Variants in IKZF2 observed in about 807,000 individuals in gnomAD.
IKZF2 encodes IKAROS family zinc finger 2.
In IKZF2, 15 loss-of-function variants were observed where a neutral mutation model predicts 49.2. The ratio of observed to expected loss-of-function variants is 0.30; its 90% CI spans 0.20 to 0.47. The LOEUF (loss-of-function observed/expected upper bound fraction) is 0.47. Among genes scored for constraint, IKZF2 ranks in the 20% least tolerant of loss-of-function variants. IKZF2 has a pLI of 1.00. For missense variants in IKZF2, 567 were observed against 664.6 expected (o/e 0.85, Z 1.61); for synonymous variants, 227 against 221.4 (o/e 1.03, Z -0.23).
intron 4 of IKZF2, among the ~76,000 whole-genome samples, chr2:213,143,060 T>A (rs572461042): frequency 6.6e-6 from 1 of 152,056 alleles, no homozygotes; most frequent in East Asian, 1.9e-4. Context: ...AAACAACATA[T>A]TCTACCTCAT....
intron 4 of IKZF2, among the ~76,000 whole-genome samples, chr2:213,133,649 G>A (rs1037492178): frequency 6.6e-6 from 1 of 151,358 alleles, no homozygotes; most frequent in African/African-American, 2.4e-5. Flanking sequence ...CAGTGGAGCC[G>A]AGATCGCACC....
chr2:213,044,117 G>T (rs1470886411), intron 6 of IKZF2, among the ~76,000 whole-genome samples: 1 of 152,032 alleles, frequency 6.6e-6, no homozygotes, highest in Admixed American at 6.6e-5. Context: ...GTGAGGTCAG[G>T]GTGTTTATTC....
intron 4 of IKZF2, among the ~76,000 whole-genome samples, chr2:213,112,468 CT>C (rs1394656199): frequency 2.1e-5 from 3 of 145,476 alleles, no homozygotes; most frequent in Non-Finnish European, 3.0e-5. Context: ...TTCCTTCTTT[CT>C]TTTTTTTTTA....
intron 4 of IKZF2, among the ~76,000 whole-genome samples, chr2:213,131,797 T>A (rs2060481161): frequency 6.6e-6 from 1 of 152,170 alleles, no homozygotes; most frequent in African/African-American, 2.4e-5. Context: ...ACAGATAGCA[T>A]AACTGAAGTA....
chr2:213,047,392 G>GATATT (rs1700251755), intron 6 of IKZF2, among the ~76,000 whole-genome samples: 1 of 152,050 alleles, frequency 6.6e-6, no homozygotes, highest in Non-Finnish European at 1.5e-5. Flanking sequence ...TGTTCTACAG[G>GATATT]ATATTATATA....
chr2:213,055,334 C>G (rs891756651), intron 5 of IKZF2, among the ~76,000 whole-genome samples: 3 of 151,952 alleles, frequency 2.0e-5, no homozygotes, highest in Admixed American at 6.6e-5. Flanking sequence ...TTTCCCTTTA[C>G]TTTTTATCAA....
At chr2:213,119,320 C>T (rs186833757) in intron 4 of IKZF2, among the ~76,000 whole-genome samples, 1 of 152,252 alleles carries the variant, frequency 6.6e-6, no homozygotes, top group Admixed American at 6.5e-5. Flanking sequence ...TGGTGGCATG[C>T]CCCCTTCCTG....
intron 8 of IKZF2, among the ~76,000 whole-genome samples, chr2:213,008,844 A>T (rs1695633623): frequency 6.6e-6 from 1 of 152,026 alleles, no homozygotes; most frequent in Admixed American, 6.6e-5. Flanking sequence ...TGTAGGGTTA[A>T]GTTGGTTGAT....
chr2:213,151,672 C>T (rs537664017), upstream of IKZF2: 3 of 150,178 alleles, frequency 2.0e-5, no homozygotes, highest in Admixed American at 6.7e-5. Context: ...ACATCTCCCC[C>T]GCCGGCCGGG....
rs16849622 is a variant in IKZF2 at position 213,067,083 on chromosome 2, T to C, written c.140-9984A>G. Among the ~76,000 whole-genome samples, 48 of 152,264 alleles carry C rather than the reference T, an allele frequency of 3.2e-4. No individual in the cohort carries two copies. The East Asian group carries it at 8.3e-3, about 26-fold the overall frequency. ...GTTTAAGGCCAGGTTCGTTCATTTA[T>C]AAGTCACATGACCTTAGGAAACCTA... On this transcript the variant is annotated intron_variant, in intron 4 of 8. Coordinates refer to ENST00000434687, the MANE Select transcript of IKZF2 (RefSeq NM_001387220.1).
At chr2:213,138,973 C>T (rs2060775057) in intron 4 of IKZF2, among the ~76,000 whole-genome samples, 1 of 151,954 alleles carries the variant, frequency 6.6e-6, no homozygotes, top group African/African-American at 2.4e-5. Flanking sequence ...AAACTGCTGA[C>T]CACATCAGCT....
intron 4 of IKZF2, among the ~76,000 whole-genome samples, chr2:213,111,879 T>C (rs1391740104): frequency 6.6e-6 from 1 of 152,200 alleles, no homozygotes; most frequent in Admixed American, 6.5e-5. Flanking sequence ...GATCCATCCT[T>C]GCACTGCTGA....
chr2:213,093,516 T>G (rs963623326), intron 4 of IKZF2, among the ~76,000 whole-genome samples: 1 of 152,218 alleles, frequency 6.6e-6, no homozygotes, highest in African/African-American at 2.4e-5. Context: ...GGACCCGATG[T>G]TCTTTTTAAT....
chr2:213,091,928 A>C (rs976327497), intron 4 of IKZF2, among the ~76,000 whole-genome samples: 1 of 149,626 alleles, frequency 6.7e-6, no homozygotes, highest in Admixed American at 6.7e-5. Flanking sequence ...GTGTGTGTGT[A>C]CTCATACTAT....
At chr2:213,023,513 T>C (rs1345067674) in intron 6 of IKZF2, among the ~76,000 whole-genome samples, 1 of 152,180 alleles carries the variant, frequency 6.6e-6, no homozygotes, top group Non-Finnish European at 1.5e-5. Flanking sequence ...GGGAAGTAGC[T>C]GAGAATACTG....
At chr2:213,058,427 G>A (rs1167117252) in intron 4 of IKZF2, among the ~76,000 whole-genome samples, 3 of 151,946 alleles carry the variant, frequency 2.0e-5, no homozygotes, top group African/African-American at 7.2e-5. Context: ...TGGTTGCTGT[G>A]AGCATTAAAT....
intron 6 of IKZF2, among the ~76,000 whole-genome samples, chr2:213,026,274 T>C (rs563702368): frequency 1.3e-5 from 2 of 152,290 alleles, no homozygotes; most frequent in East Asian, 3.9e-4. Flanking sequence ...CTCTGTTCCA[T>C]TTTAACGTGA....
intron 4 of IKZF2, among the ~76,000 whole-genome samples, chr2:213,102,666 AT>A (rs1357087910): frequency 6.7e-6 from 1 of 149,976 alleles, no homozygotes. Context: ...CAAATATAAC[AT>A]TTAAAGGAAG....
intron 7 of IKZF2, among the ~76,000 whole-genome samples, chr2:213,020,978 C>T (rs1312738918): frequency 6.6e-6 from 1 of 152,118 alleles, no homozygotes; most frequent in African/African-American, 2.4e-5. Flanking sequence ...TTTGGGAAGG[C>T]AAGGCGGGCA....
Sources: gnomAD v4.1 joint callset for allele counts (sites outside exome capture counted in the v4.1 genomes callset) on GRCh38, gnomAD v4.1.1 for gene constraint, MANE v1.5 for transcripts, NCBI Gene and HGNC (gene_info 2026-07-23, HGNC 2026-07-21) for gene names.